Variants in COX16 observed in about 807,000 individuals in gnomAD.
The protein encoded by COX16 is cytochrome c oxidase assembly protein COX16 homolog, mitochondrial.
Under a neutral mutation model 15.4 loss-of-function variants are expected in COX16, and 12 were observed. The observed-to-expected ratio is 0.78, with a 90% CI of 0.50 to 1.26. The LOEUF is 1.26. COX16 is among the 50% of genes most tolerant of loss of function. The probability of loss-of-function intolerance (pLI) is 0.00; values close to 1 mark genes in which losing one functional copy is unlikely to be tolerated. For missense variants in COX16, 124 were observed against 127.6 expected (o/e 0.97, Z 0.14); for synonymous variants, 46 against 41.1 (o/e 1.12, Z -0.46).
chr14:70,331,591 AAC>A (rs1428845265), intron 2 of COX16, among the ~76,000 whole-genome samples: 2 of 152,246 alleles, frequency 1.3e-5, no homozygotes, highest in African/African-American at 4.8e-5. Flanking sequence ...AGCAATTCGT[AAC>A]ACACCCACCA....
rs111864754 is a variant in COX16 at position 70,359,646 on chromosome 14, T to C, written c.-59A>G. The C allele has an allele frequency of 2.7e-5, 40 of 1,477,014 alleles. No homozygotes were observed. The African/African-American group carries it at 5.0e-4, about 18-fold the overall frequency. The allele number at this position is 1,477,014 out of a possible 1,614,324, so 91.5% of individuals were successfully genotyped here. A position where few individuals can be genotyped will look rare whatever the true frequency, so the allele number is the denominator to read the frequency against. ...CGGGCCTAGCGCAGACTCCCAAATC[T>C]CAGCAGCTCACGCTCTCACCAAGAC... On this transcript the variant is annotated 5_prime_UTR_variant, in exon 1 of 4. Transcript: ENST00000389912.
chr14:70,351,451 C>A (rs1020284549), intron 1 of COX16, among the ~76,000 whole-genome samples: 1 of 152,196 alleles, frequency 6.6e-6, no homozygotes, highest in Non-Finnish European at 1.5e-5. Flanking sequence ...AACACATATA[C>A]CCCTTGCAGA....
rs777107428 is a variant in COX16, at chr14:70,329,217, T to A, written c.161A>T (p.Lys54Ile). Reference sequence around the variant, plus strand: ...AGATATTTTATTCTCTTTCAGTTTTTTTTCAAGCTCAGGATCCATCTGTAG... The same window carrying A: ...AGATATTTTATTCTCTTTCAGTTTTATTTCAAGCTCAGGATCCATCTGTAG... ...VKSKMDPELE[K>I]KLKENKISLE... is the part of the protein sequence containing the mutation. Residue 54 changes from lysine to isoleucine, a missense_variant, in exon 3 of 4, where the codon AAA becomes ATA. Coordinates refer to ENST00000389912, the MANE Select transcript of COX16 (RefSeq NM_016468.7). 4 of 1,608,018 alleles carry A rather than the reference T, an allele frequency of 2.5e-6. No individual in the cohort carries two copies. The South Asian group carries it at 4.4e-5, about 18-fold the overall frequency.
rs551117419 is a variant in COX16, at chr14:70,330,497, C to G, written c.142-1261G>C. 6.6e-5 allele frequency among the ~76,000 whole-genome samples: 10 copies of G among 152,238 alleles called. No individual in the cohort carries two copies. In the South Asian group the frequency reaches 2.1e-3, roughly 32 times the overall value. On this transcript the variant is annotated intron_variant, in intron 2 of 3. Coordinates refer to ENST00000389912, the MANE Select transcript of COX16 (RefSeq NM_016468.7). ...TGTATGAATTATGTGGTAAGCATAA[C>G]CCTGATATCAAATTTCACAAGAAAA...
intron 2 of COX16, among the ~76,000 whole-genome samples, chr14:70,339,565 G>C (rs1462081076): frequency 6.6e-6 from 1 of 152,064 alleles, no homozygotes; most frequent in Non-Finnish European, 1.5e-5. Flanking sequence ...TTAGACCACA[G>C]TGTCAACCCC....
chr14:70,342,140 TAATGA>T (rs1425788070), intron 2 of COX16, among the ~76,000 whole-genome samples: 1 of 152,210 alleles, frequency 6.6e-6, no homozygotes, highest in Admixed American at 6.5e-5. Flanking sequence ...GCAAATTTCC[TAATGA>T]AATAAGAAAG....
At chr14:70,332,728 A>G (rs144224686) in intron 2 of COX16, among the ~76,000 whole-genome samples, 249 of 152,174 alleles carry the variant, frequency 1.6e-3, no homozygotes, top group African/African-American at 5.8e-3. Flanking sequence ...ATCCGTGGCA[A>G]TGAGAGGGGA....
At chr14:70,352,645 CTTTTTTTTTTTTTTT>C (rs576495712) in intron 1 of COX16, among the ~76,000 whole-genome samples, 2 of 84,484 alleles carry the variant, frequency 2.4e-5, no homozygotes, top group African/African-American at 8.1e-5. Context: ...CTTTTTTTTT[CTTTTTTTTTTTTTTT>C]TTTGAGACAG....
rs1450500073 is a variant in COX16 at position 70,329,220 on chromosome 14, T to C, written c.158A>G (p.Glu53Gly). The C allele has an allele frequency of 6.2e-7, 1 of 1,607,728 alleles. No individual in the cohort carries two copies. Among genetic ancestry groups the C allele is most frequent in the East Asian group, 2.2e-5 (1 of 44,516 alleles). ...AVKSKMDPELEKKLKENKISL... is the reference protein window; with the variant it reads ...AVKSKMDPELGKKLKENKISL... ...TATTTTATTCTCTTTCAGTTTTTTT[T>C]CAAGCTCAGGATCCATCTGTAGAAA... is the stretch of plus-strand genomic sequence containing the variant. Residue 53 changes from glutamate to glycine, a missense_variant, in exon 3 of 4, where the codon GAA (glutamate) becomes GGA (glycine). By Grantham distance (98) the Glu-to-Gly change is moderately conservative (BLOSUM62 -2). Transcript: ENST00000389912.
At position 70,342,641 on chromosome 14, in the gene COX16, C is replaced by CT; in HGVS notation, c.141+16dup. 6.2e-7 allele frequency: 1 copy of CT among 1,607,694 alleles called. No individual in the cohort carries two copies. The highest frequency in any genetic ancestry group is 8.5e-7 in the Non-Finnish European group (1 of 1,178,260). On this transcript the variant is annotated intron_variant, in intron 2 of 3. Transcript: ENST00000389912. ...CATATAGACAGACACATGTCAAACT[C>CT]TAATTATATTTCTTACTTTACTCTT... is the stretch of plus-strand genomic sequence containing the variant.
At chr14:70,359,306 A>G in intron 1 of COX16, 1 of 644,722 alleles carries the variant, frequency 1.6e-6, no homozygotes, top group African/African-American at 1.8e-5. Flanking sequence ...TACACCTGAA[A>G]TCCAACCGGG....
intron 2 of COX16, among the ~76,000 whole-genome samples, chr14:70,337,291 C>T (rs1354111292): frequency 6.6e-6 from 1 of 151,798 alleles, no homozygotes; most frequent in African/African-American, 2.4e-5. Context: ...TATAGAGGTT[C>T]CAGATGATAT....
chr14:70,331,076 C>T (rs1322268066), intron 2 of COX16, among the ~76,000 whole-genome samples: 1 of 152,136 alleles, frequency 6.6e-6, no homozygotes, highest in African/African-American at 2.4e-5. Context: ...GGCACGATCT[C>T]GGCTCACTGC....
chr14:70,352,048 G>A (rs1886970981), intron 1 of COX16, among the ~76,000 whole-genome samples: 1 of 151,958 alleles, frequency 6.6e-6, no homozygotes, highest in South Asian at 2.1e-4. Context: ...TGCATACTGG[G>A]AAGTGTGGTA....
At chr14:70,352,137 C>G (rs1051007270) in intron 1 of COX16, among the ~76,000 whole-genome samples, 2 of 152,084 alleles carry the variant, frequency 1.3e-5, no homozygotes, top group Non-Finnish European at 2.9e-5. Context: ...TTATTTGACC[C>G]AGGAATTGAT....
intron 1 of COX16, among the ~76,000 whole-genome samples, chr14:70,347,490 T>C (rs1886818148): frequency 6.6e-6 from 1 of 152,164 alleles, no homozygotes; most frequent in South Asian, 2.1e-4. Flanking sequence ...GCTCACCTGG[T>C]GCGTACTACC....
intron 2 of COX16, among the ~76,000 whole-genome samples, chr14:70,342,427 AGAGT>A (rs1886650838): frequency 6.6e-6 from 1 of 152,238 alleles, no homozygotes; most frequent in African/African-American, 2.4e-5. Context: ...TCTGAGCGAC[AGAGT>A]GAGACCCCGT....
chr14:70,350,531 C>T (rs898572490), intron 1 of COX16, among the ~76,000 whole-genome samples: 1 of 152,214 alleles, frequency 6.6e-6, no homozygotes, highest in Non-Finnish European at 1.5e-5. Context: ...AGCAATACAG[C>T]AGTGACAGCT....
chr14:70,334,234 A>C (rs950900993), intron 2 of COX16, among the ~76,000 whole-genome samples: 2 of 152,232 alleles, frequency 1.3e-5, no homozygotes, highest in African/African-American at 4.8e-5. Flanking sequence ...ACAAAAATGT[A>C]AATTGTGGCC....
Sources: allele counts gnomAD v4.1 joint callset (sites outside exome capture counted in the v4.1 genomes callset), GRCh38; gene constraint gnomAD v4.1.1; transcripts MANE v1.5; gene names NCBI Gene and HGNC (gene_info 2026-07-23, HGNC 2026-07-21).